LINGO2: variants seen among roughly 807,000 people sequenced by gnomAD.
LINGO2 encodes the protein leucine-rich repeat and immunoglobulin-like domain-containing nogo receptor-interacting protein 2.
A neutral mutation model predicts 30.6 loss-of-function variants in LINGO2; 14 were observed. The observed-to-expected ratio is 0.46, with a 90% CI of 0.30 to 0.72. The LOEUF (loss-of-function observed/expected upper bound fraction) is 0.72, where lower values mean the gene tolerates loss of function less well. Among genes scored for constraint, LINGO2 ranks in the 30% least tolerant of loss-of-function variants. LINGO2 has a pLI of 0.07. For missense variants in LINGO2, 729 were observed against 751.7 expected, an observed-to-expected ratio of 0.97 and a Z score of 0.35; for synonymous variants, 317 against 288.5, an observed-to-expected ratio of 1.10 and a Z score of -1.00.
the LINGO2 span, among the ~76,000 whole-genome samples, chr9:29,029,300 C>T: frequency 2.6e-5 from 4 of 152,168 alleles, no homozygotes; most frequent in East Asian, 7.7e-4. Context: ...AATTTTATAA[C>T]CTCTAATATT....
At chr9:28,606,425 G>T (rs934578298) in intron 1 of LINGO2, among the ~76,000 whole-genome samples, 1 of 151,988 alleles carries the variant, frequency 6.6e-6, no homozygotes, top group Admixed American at 6.6e-5. Context: ...TTACTGGAGA[G>T]ACTTTACTGG....
chr9:27,975,729 T>C (rs1052973448), intron 5 of LINGO2, among the ~76,000 whole-genome samples: 2 of 152,164 alleles, frequency 1.3e-5, no homozygotes, highest in African/African-American at 4.8e-5. Context: ...CTGTTATGTC[T>C]TATTTCATAA....
the LINGO2 span, among the ~76,000 whole-genome samples, chr9:28,770,789 G>A: frequency 6.6e-5 from 10 of 152,162 alleles, no homozygotes; most frequent in African/African-American, 2.4e-4. Context: ...AGTATTAATT[G>A]TTATTTCTTA....
the LINGO2 span, among the ~76,000 whole-genome samples, chr9:29,112,746 T>G: frequency 6.6e-6 from 1 of 152,176 alleles, no homozygotes; most frequent in African/African-American, 2.4e-5. Context: ...TTGAATATTT[T>G]CTCTATTCCT....
the LINGO2 span, among the ~76,000 whole-genome samples, chr9:29,042,265 TA>T: frequency 6.6e-6 from 1 of 151,958 alleles, no homozygotes; most frequent in Non-Finnish European, 1.5e-5. Flanking sequence ...CAATCTCATC[TA>T]AAATAATATA....
intron 4 of LINGO2, among the ~76,000 whole-genome samples, chr9:28,091,224 C>T (rs892313399): frequency 6.6e-6 from 1 of 152,114 alleles, no homozygotes; most frequent in Non-Finnish European, 1.5e-5. Context: ...CTTTAAAGTT[C>T]ATTAGGAACC....
chr9:28,876,765 C>G, the LINGO2 span, among the ~76,000 whole-genome samples: 1 of 152,196 alleles, frequency 6.6e-6, no homozygotes, highest in South Asian at 2.1e-4. Flanking sequence ...GGTATATACC[C>G]AGTAATAGGA....
intron 4 of LINGO2, among the ~76,000 whole-genome samples, chr9:28,076,410 A>G (rs543814965): frequency 6.6e-6 from 1 of 152,288 alleles, no homozygotes; most frequent in East Asian, 1.9e-4. Flanking sequence ...ACATATCTGA[A>G]AACATTTTAA....
chr9:28,554,386 T>C (rs1203494769), intron 1 of LINGO2, among the ~76,000 whole-genome samples: 1 of 140,732 alleles, frequency 7.1e-6, no homozygotes, highest in African/African-American at 2.7e-5. Flanking sequence ...CCAACAAAGA[T>C]CAAAAGAGAC....
chr9:28,859,845 T>C, the LINGO2 span, among the ~76,000 whole-genome samples: 27 of 151,944 alleles, frequency 1.8e-4, no homozygotes, highest in Admixed American at 3.3e-4. Flanking sequence ...ATATATAAAA[T>C]GAGAATTCCA....
chr9:28,484,324 C>A (rs1428266872), intron 1 of LINGO2, among the ~76,000 whole-genome samples: 1 of 152,054 alleles, frequency 6.6e-6, no homozygotes, highest in Non-Finnish European at 1.5e-5. Flanking sequence ...GCAGCTCCAA[C>A]TGTTGGATAA....
At chr9:28,425,708 G>T (rs980602020) in intron 2 of LINGO2, among the ~76,000 whole-genome samples, 6 of 151,876 alleles carry the variant, frequency 4.0e-5, no homozygotes, top group African/African-American at 1.5e-4. Context: ...CAAAATCAAA[G>T]ATCTTGTCTA....
At chr9:28,647,411 A>C (rs1827888760) in intron 1 of LINGO2, among the ~76,000 whole-genome samples, 1 of 152,088 alleles carries the variant, frequency 6.6e-6, no homozygotes, top group Non-Finnish European at 1.5e-5. Flanking sequence ...TGCCAGTTCT[A>C]ATATTCGGTG....
intron 4 of LINGO2, among the ~76,000 whole-genome samples, chr9:28,177,135 T>G (rs886662500): frequency 1.3e-5 from 2 of 152,216 alleles, no homozygotes; most frequent in Non-Finnish European, 2.9e-5. Context: ...CTTTTCAACA[T>G]GAAGGATCTC....
intron 2 of LINGO2, among the ~76,000 whole-genome samples, chr9:28,420,271 A>C (rs577649689): frequency 6.6e-6 from 1 of 152,220 alleles, no homozygotes; most frequent in South Asian, 2.1e-4. Flanking sequence ...CATAAGCACT[A>C]AGTCTCTTCT....
intron 2 of LINGO2, among the ~76,000 whole-genome samples, chr9:28,408,972 T>C (rs1030262807): frequency 1.3e-5 from 2 of 151,980 alleles, no homozygotes; most frequent in African/African-American, 4.8e-5. Flanking sequence ...GAAATAAATT[T>C]CTCCTGCTTT....
chr9:28,753,525 T>G, the LINGO2 span, among the ~76,000 whole-genome samples: 3 of 152,040 alleles, frequency 2.0e-5, no homozygotes, highest in Non-Finnish European at 4.4e-5. Context: ...AAGCCTGAGC[T>G]GCTTACAACT....
At chr9:28,860,866 C>G in the LINGO2 span, among the ~76,000 whole-genome samples, 1 of 146,212 alleles carries the variant, frequency 6.8e-6, no homozygotes. Flanking sequence ...TTTCAGAGTT[C>G]TGACAGTCTT....
At chr9:28,784,426 T>C in the LINGO2 span, among the ~76,000 whole-genome samples, 1 of 152,210 alleles carries the variant, frequency 6.6e-6, no homozygotes, top group Non-Finnish European at 1.5e-5. Context: ...GCTTACTAGC[T>C]GTGTGACCCT....
Sources: allele counts gnomAD v4.1 joint callset (sites outside exome capture counted in the v4.1 genomes callset), GRCh38; gene constraint gnomAD v4.1.1; transcripts MANE v1.5; gene names NCBI Gene and HGNC (gene_info 2026-07-23, HGNC 2026-07-21).